LTN1: variants seen among roughly 807,000 people sequenced by gnomAD.
LTN1 encodes listerin E3 ubiquitin protein ligase 1.
In LTN1, 88 loss-of-function variants were observed where a neutral mutation model predicts 201.2. The observed-to-expected ratio is 0.44, with a 90% CI of 0.37 to 0.52. The LOEUF is 0.52. Ranked by LOEUF, LTN1 falls within the 20% of genes least tolerant of loss-of-function variation. The pLI is 0.00. For synonymous variants in LTN1, 645 were observed against 713.5 expected, an observed-to-expected ratio of 0.90 and a Z score of 1.53; for missense variants, 1,752 against 2,038.7, an observed-to-expected ratio of 0.86 and a Z score of 2.71.
intron 20 of LTN1, 33 bp downstream of exon 20, chr21:28,946,119 T>G (rs560987300): frequency 6.5e-7 from 1 of 1,548,416 alleles, no homozygotes; most frequent in African/African-American, 1.4e-5. Flanking sequence ...AATTGTATAC[T>G]GAAGGAAAAA....
Position 28,945,793 on chromosome 21 carries a change from T to C in LTN1, c.3768+14A>G. The C allele has an allele frequency of 1.2e-6, 2 of 1,609,870 alleles. No homozygotes were observed. The highest frequency in any genetic ancestry group is 1.7e-5 in the Admixed American group (1 of 59,304). ...AAAACCCACAAGAGGTGATGACATA[T>C]CGGGTTAATTTACCTCCAACCAAGC... On this transcript the variant is annotated intron_variant, in intron 21 of 29. Transcript: ENST00000361371.
rs767339503 is a variant in LTN1 at position 28,958,517 on chromosome 21, T to C, written c.2616A>G (p.Lys872=). 6.2e-7 allele frequency: 1 copy of C among 1,604,978 alleles called. No individual in the cohort carries two copies. The highest frequency in any genetic ancestry group is 8.5e-7 in the Non-Finnish European group (1 of 1,176,814). Residue 872 remains lysine, a synonymous_variant, in exon 14 of 30, where the codon AAA becomes AAG. Transcript: ENST00000361371. The part of the protein sequence containing the change: ...HLPDFLICKL[K]NTWLSGVNLL... ...AATTTACACCAGAGAGCCAAGTATT[T>C]TTCAGTTTACAGATAAGAAAATCTA...
At chr21:28,936,078 C>G (rs536280580) in intron 26 of LTN1, among the ~76,000 whole-genome samples, 3 of 152,190 alleles carry the variant, frequency 2.0e-5, no homozygotes, top group African/African-American at 7.2e-5. Context: ...TCAATACTCA[C>G]AAGATGCAGT....
intron 27 of LTN1, 66 bp downstream of exon 27, chr21:28,935,043 A>G: frequency 9.9e-7 from 1 of 1,013,998 alleles, no homozygotes; most frequent in Non-Finnish European, 1.6e-6. Context: ...CTGTTATGAT[A>G]TTAACAATGA....
intron 25 of LTN1, among the ~76,000 whole-genome samples, chr21:28,940,445 G>GT (rs1484289093): frequency 2.0e-5 from 3 of 152,068 alleles, no homozygotes; most frequent in African/African-American, 7.2e-5. Flanking sequence ...TTAGGTAACA[G>GT]TTTGAATTAT....
At chr21:28,942,587 G>A (rs529080070) in intron 24 of LTN1, among the ~76,000 whole-genome samples, 2 of 152,162 alleles carry the variant, frequency 1.3e-5, no homozygotes, top group East Asian at 3.9e-4. Flanking sequence ...ACATTAAGTG[G>A]TAACTACTCA....
intron 16 of LTN1, 50 bp from the exon 17 acceptor site, chr21:28,953,426 C>CTTT: frequency 7.3e-7 from 1 of 1,363,352 alleles, no homozygotes; most frequent in Non-Finnish European, 1.0e-6. Context: ...GTGAACAAAC[C>CTTT]CTTCAATTAC....
At chr21:28,972,810 A>G (rs539444387) in intron 6 of LTN1, among the ~76,000 whole-genome samples, 3 of 152,190 alleles carry the variant, frequency 2.0e-5, no homozygotes, top group Non-Finnish European at 2.9e-5. Flanking sequence ...AAAGATTCAA[A>G]AAGTCCAACA....
At chr21:28,976,797 A>C (rs2084618617) in intron 6 of LTN1, among the ~76,000 whole-genome samples, 1 of 152,136 alleles carries the variant, frequency 6.6e-6, no homozygotes, top group African/African-American at 2.4e-5. Flanking sequence ...TCTATTGCCT[A>C]GGCTGGAGTG....
chr21:28,943,161 T>C (rs141524712), intron 24 of LTN1, 101 bp downstream of exon 24: 83 of 634,140 alleles, frequency 1.3e-4, no homozygotes, highest in African/African-American at 1.2e-3. Flanking sequence ...GTAGAATGAA[T>C]ATAACTCTAT....
rs140975387 is a variant in LTN1 at position 28,986,179 on chromosome 21, A to G, written c.305T>C (p.Val102Ala). 6.8e-6 allele frequency: 11 copies of G among 1,613,254 alleles called. No individual in the cohort carries two copies. Among genetic ancestry groups the G allele is most frequent in the Non-Finnish European group, 9.3e-6 (11 of 1,179,462 alleles). Residue 102 changes from valine (V) to alanine (A), a missense_variant, in exon 3 of 30, where the codon GTT (valine) becomes GCT (alanine). Coordinates refer to ENST00000361371, the MANE Select transcript of LTN1 (RefSeq NM_015565.3). The surrounding 1 kb of genome is among the most constrained non-coding windows in gnomAD (Gnocchi z 4.1). ...AAAAATTCTTGGCCAATATGGAAGA[A>G]CTCCTTTCACAGTTTCTGTGTCTCT... Reference protein sequence around the residue: ...TERDTETVKGVLPYWPRIFCK... With the variant: ...TERDTETVKGALPYWPRIFCK...
At position 28,959,693 on chromosome 21, in the gene LTN1, G is replaced by A; in HGVS notation, c.2358C>T (p.Tyr786=). 4 of 1,592,448 alleles carry A rather than the reference G, an allele frequency of 2.5e-6. No individual in the cohort carries two copies. Among genetic ancestry groups the A allele is most frequent in the Non-Finnish European group, 8.5e-7 (1 of 1,171,240 alleles). The change falls in exon 13 of 30, where the codon TAC becomes TAT. Residue 786 remains tyrosine (Y), a synonymous_variant. Transcript: ENST00000361371. ...LVLSQHVKND[Y]LIGDVYVERI... Reference sequence around the variant, plus strand: ...TTTCAACATATACGTCTCCAATCAAGTAATCTGGAGAAAAAAAGGTTCAAA... The same window carrying A: ...TTTCAACATATACGTCTCCAATCAAATAATCTGGAGAAAAAAAGGTTCAAA...
chr21:28,946,222 G>C lies in LTN1; in HGVS notation c.3553C>G (p.Leu1185Val), dbSNP rs757133237. The C allele has an allele frequency of 2.8e-5, 44 of 1,589,142 alleles. No individual in the cohort carries two copies. In the East Asian group the frequency reaches 9.7e-4, roughly 35 times the overall value. ...ATGATTTTTAATATTCCATGTAATAGCTCTCCATCATCTATACTTTTGGTT... is the reference window on the plus strand; with the variant it reads ...ATGATTTTTAATATTCCATGTAATACCTCTCCATCATCTATACTTTTGGTT... ...LQTKSIDDGE[L>V]LHGILKIIIS... The change falls in exon 20 of 30, where the codon CTA becomes GTA. Residue 1185 changes from leucine to valine, a missense_variant. Coordinates refer to ENST00000361371, the MANE Select transcript of LTN1 (RefSeq NM_015565.3).
chr21:28,965,728 A>G (rs2084515897), intron 11 of LTN1, 137 bp downstream of exon 11: 1 of 562,012 alleles, frequency 1.8e-6, no homozygotes, highest in Non-Finnish European at 3.2e-6. Context: ...TATAGGAAGA[A>G]AGTTACAATA....
At chr21:28,932,409 C>T (rs769041218) in intron 28 of LTN1, 61 bp downstream of exon 28, 10 of 1,262,990 alleles carry the variant, frequency 7.9e-6, no homozygotes, top group Admixed American at 2.0e-5. Context: ...TGTTTAAATG[C>T]CCTTTTAAAT....
intron 13 of LTN1, 44 bp downstream of exon 13, chr21:28,959,414 G>C: frequency 1.3e-6 from 2 of 1,590,444 alleles, no homozygotes; most frequent in South Asian, 1.2e-5. Flanking sequence ...ATGAAGGTCA[G>C]AGCCGGAGAT....
At chr21:28,957,497 T>C in intron 14 of LTN1, 21 bp from the exon 15 acceptor site, 1 of 1,520,938 alleles carries the variant, frequency 6.6e-7, no homozygotes, top group Non-Finnish European at 8.8e-7. Context: ...TGCAGAGAAC[T>C]TAACTGTTGT....
At chr21:28,962,625 A>C (rs901875808) in intron 11 of LTN1, among the ~76,000 whole-genome samples, 1 of 152,186 alleles carries the variant, frequency 6.6e-6, no homozygotes, top group Non-Finnish European at 1.5e-5. Context: ...AACAATGCTG[A>C]AATTGGGCCA....
chr21:28,974,348 A>G (rs1381015753), intron 6 of LTN1, among the ~76,000 whole-genome samples: 1 of 152,224 alleles, frequency 6.6e-6, no homozygotes, highest in Non-Finnish European at 1.5e-5. Context: ...TGCAATTTTA[A>G]AATGGACCAA....
Sources: allele counts gnomAD v4.1 joint callset (sites outside exome capture counted in the v4.1 genomes callset), GRCh38; gene constraint gnomAD v4.1.1; non-coding constraint Gnocchi (gnomAD v3.1); transcripts MANE v1.5; gene names NCBI Gene and HGNC (gene_info 2026-07-23, HGNC 2026-07-21).